Variants in LMBR1 observed in about 807,000 individuals in gnomAD.
LMBR1 encodes the protein limb region 1 protein homolog.
Under a neutral mutation model 73.9 loss-of-function variants are expected in LMBR1, and 52 were observed. The ratio of observed to expected loss-of-function variants is 0.70; its 90% confidence interval spans 0.56 to 0.89. LMBR1 has a LOEUF of 0.89. Among genes scored for constraint, LMBR1 ranks in the 40% least tolerant of loss-of-function variants. The pLI is 0.00. For synonymous variants in LMBR1, 215 were observed against 209.4 expected (o/e 1.03, Z -0.23); for missense variants, 539 against 579.8 (o/e 0.93, Z 0.72).
At chr7:156,793,320 GAC>G (rs1563373380) in intron 5 of LMBR1, among the ~76,000 whole-genome samples, 3 of 152,112 alleles carry the variant, frequency 2.0e-5, no homozygotes, top group Admixed American at 6.5e-5. Flanking sequence ...TAGACTTAAC[GAC>G]ACAATATTAG....
chr7:156,735,334 T>C (rs1005969293), intron 9 of LMBR1, among the ~76,000 whole-genome samples: 1 of 152,184 alleles, frequency 6.6e-6, no homozygotes, highest in Non-Finnish European at 1.5e-5. Context: ...TGGAAAATGT[T>C]TTCTTCCTGT....
intron 5 of LMBR1, among the ~76,000 whole-genome samples, chr7:156,784,034 A>C (rs949014678): frequency 1.5e-4 from 22 of 147,222 alleles, no homozygotes; most frequent in African/African-American, 5.6e-4. Flanking sequence ...CTATAATACT[A>C]GCTTGCTTCT....
chr7:156,869,621 C>CA lies in LMBR1; in HGVS notation c.66+23306dup, dbSNP rs1353664230. On this transcript the variant is annotated intron_variant, in intron 1 of 16. Coordinates refer to ENST00000353442, the MANE Select transcript of LMBR1 (RefSeq NM_022458.4). ...ACAACCAAAAAAACTATAAGACTAA[C>CA]AAAAAACAACAAAATGGCAGTAGTA... is the stretch of plus-strand genomic sequence containing the variant. Among the ~76,000 whole-genome samples the CA allele has an allele frequency of 2.0e-5, 3 of 151,988 alleles. 1 individual carries two copies. Among genetic ancestry groups the CA allele is most frequent in the Admixed American group, 1.3e-4 (2 of 15,266 alleles).
At chr7:156,875,925 G>C (rs1800100663) in intron 1 of LMBR1, among the ~76,000 whole-genome samples, 1 of 148,978 alleles carries the variant, frequency 6.7e-6, no homozygotes, top group African/African-American at 2.5e-5. Context: ...AAAAAAACAA[G>C]GTATATAGGC....
At chr7:156,720,449 G>A (rs1814289434) in intron 15 of LMBR1, among the ~76,000 whole-genome samples, 1 of 152,116 alleles carries the variant, frequency 6.6e-6, no homozygotes, top group East Asian at 1.9e-4. Context: ...TGTAGTGTCA[G>A]GAAACACATT....
rs1174379787 is a variant in LMBR1, at chr7:156,682,036, G to A, written c.*2042C>T. The stretch of plus-strand genomic sequence containing the variant: ...GCTGTAACAATCTATTTGTTCTCAA[G>A]GCATATGAGTCCCAGGTTCGAAGCC... On this transcript the variant is annotated 3_prime_UTR_variant, in exon 17 of 17. Transcript: ENST00000353442. 2 of 152,270 alleles carry A rather than the reference G, an allele frequency of 1.3e-5. No individual in the cohort carries two copies. Among genetic ancestry groups the A allele is most frequent in the African/African-American group, 4.8e-5 (2 of 41,444 alleles). The allele number at this position is 152,270 out of a possible 1,614,324, so 9.4% of individuals were successfully genotyped here.
chr7:156,825,644 T>G (rs1242844910), intron 4 of LMBR1, among the ~76,000 whole-genome samples: 1 of 152,210 alleles, frequency 6.6e-6, no homozygotes, highest in Non-Finnish European at 1.5e-5. Flanking sequence ...TCAGTTTACA[T>G]ACACTAAATT....
At chr7:156,803,324 A>G (rs1585894246) in intron 4 of LMBR1, among the ~76,000 whole-genome samples, 1 of 152,138 alleles carries the variant, frequency 6.6e-6, no homozygotes, top group East Asian at 1.9e-4. Context: ...AAACAACCCC[A>G]TCAAAAAGTG....
intron 15 of LMBR1, among the ~76,000 whole-genome samples, chr7:156,717,178 A>G (rs1813390932): frequency 6.6e-6 from 1 of 152,186 alleles, no homozygotes; most frequent in Admixed American, 6.5e-5. Context: ...TATTACCAAG[A>G]TGAAAGCAAG....
At chr7:156,851,529 T>C (rs1268889465) in intron 1 of LMBR1, among the ~76,000 whole-genome samples, 1 of 152,164 alleles carries the variant, frequency 6.6e-6, no homozygotes, top group Non-Finnish European at 1.5e-5. Context: ...GTAACAAGAA[T>C]GGACGACTAT....
rs1310590951 is a variant in LMBR1 at position 156,679,664 on chromosome 7, A to G, written c.*4414T>C. The G allele has an allele frequency of 1.3e-5, 2 of 152,138 alleles. No homozygotes were observed. The highest frequency in any genetic ancestry group is 2.4e-5 in the African/African-American group (1 of 41,422). The allele number at this position is 152,138 out of a possible 1,614,324, so 9.4% of individuals were successfully genotyped here. A position where few individuals can be genotyped will look rare whatever the true frequency, so the allele number is the denominator to read the frequency against. ...TGTTAAAACTTCAGTTCTCAGACCCATAGCCCACACGTGACTCTCCACCTC... is the reference window on the plus strand; with the variant it reads ...TGTTAAAACTTCAGTTCTCAGACCCGTAGCCCACACGTGACTCTCCACCTC... On this transcript the variant is annotated 3_prime_UTR_variant, in exon 17 of 17. Transcript: ENST00000353442.
At chr7:156,728,336 A>G (rs1816178972) in intron 11 of LMBR1, among the ~76,000 whole-genome samples, 1 of 152,234 alleles carries the variant, frequency 6.6e-6, no homozygotes, top group Non-Finnish European at 1.5e-5. Context: ...TGTAATTTTC[A>G]TATTTTATCA....
rs75159157 is a variant in LMBR1 at position 156,731,817 on chromosome 7, C to A, written c.838+2360G>T. Among the ~76,000 whole-genome samples, 939 of 151,824 alleles carry A rather than the reference C, an allele frequency of 6.2e-3. 9 individuals are homozygous for A. Among genetic ancestry groups the A allele is most frequent in the African/African-American group, 0.022 (894 of 41,374 alleles). ...CATTGTCAAGTATAATACTCATGCC[C>A]AGCAGGAATGCAAACTAATACAACT... On this transcript the variant is annotated intron_variant, in intron 10 of 16. Coordinates refer to ENST00000353442, the MANE Select transcript of LMBR1 (RefSeq NM_022458.4).
intron 1 of LMBR1, among the ~76,000 whole-genome samples, chr7:156,843,151 C>A (rs1352207474): frequency 6.6e-6 from 1 of 152,174 alleles, no homozygotes. Flanking sequence ...TTCCCTTTTC[C>A]TGCCAGCCTT....
intron 4 of LMBR1, among the ~76,000 whole-genome samples, chr7:156,810,215 G>A (rs1014841143): frequency 6.6e-6 from 1 of 152,166 alleles, no homozygotes; most frequent in Non-Finnish European, 1.5e-5. Flanking sequence ...AGAGATCACA[G>A]GAGAAGACAG....
chr7:156,862,960 T>C (rs918627023), intron 1 of LMBR1, among the ~76,000 whole-genome samples: 1 of 152,206 alleles, frequency 6.6e-6, no homozygotes, highest in African/African-American at 2.4e-5. Context: ...CTGCAGACCA[T>C]GGGACTTGTC....
intron 5 of LMBR1, among the ~76,000 whole-genome samples, chr7:156,792,909 C>T (rs1829471249): frequency 6.8e-6 from 1 of 146,500 alleles, no homozygotes; most frequent in African/African-American, 2.5e-5. Flanking sequence ...AGGAGGGTGG[C>T]CACAGGAAAA....
rs944231078 is a variant in LMBR1, at chr7:156,677,943, T to G, written c.*6135A>C. 6.6e-6 allele frequency: 1 copy of G among 152,206 alleles called. No individual in the cohort carries two copies. The highest frequency in any genetic ancestry group is 1.5e-5 in the Non-Finnish European group (1 of 68,044). The allele number at this position is 152,206 out of a possible 1,614,324, so 9.4% of individuals were successfully genotyped here. ...GCTGACATCTCTCTCCCCATAGCGT[T>G]GACAGGCAAAGCACAGGCACGTGTC... On this transcript the variant is annotated 3_prime_UTR_variant, in exon 17 of 17. Coordinates refer to ENST00000353442, the MANE Select transcript of LMBR1 (RefSeq NM_022458.4).
intron 4 of LMBR1, among the ~76,000 whole-genome samples, chr7:156,797,403 T>C (rs566136943): frequency 3.0e-4 from 46 of 152,346 alleles, no homozygotes; most frequent in African/African-American, 1.0e-3. Context: ...GAGTCAAAGA[T>C]AAAATTTACG....
Sources: allele counts gnomAD v4.1 joint callset (sites outside exome capture counted in the v4.1 genomes callset), GRCh38; gene constraint gnomAD v4.1.1; transcripts MANE v1.5; gene names NCBI Gene and HGNC (gene_info 2026-07-23, HGNC 2026-07-21).